Variants in ANKRD26 observed in about 807,000 individuals in gnomAD.
The protein encoded by ANKRD26 is ankyrin repeat domain-containing protein 26.
In ANKRD26, 141 loss-of-function variants were observed where a neutral mutation model predicts 208.7. The observed-to-expected ratio is 0.68, with a 90% CI of 0.59 to 0.78. ANKRD26 has a LOEUF of 0.78. Ranked by LOEUF, ANKRD26 falls within the 30% of genes least tolerant of loss-of-function variation. ANKRD26 has a pLI of 0.00. For missense variants in ANKRD26, 1,889 were observed against 1,938.7 expected (o/e 0.97, Z 0.48); for synonymous variants, 636 against 660.4 (o/e 0.96, Z 0.57).
rs1245100361 is a variant in ANKRD26 at position 27,081,029 on chromosome 10, C to T, written c.740+1774G>A. ...AAGTACTTGAGGGGCTCAAAGCCACCGATAAGTTGAGGCAGAAGTAGTTAT... is the reference window on the plus strand; with the variant it reads ...AAGTACTTGAGGGGCTCAAAGCCACTGATAAGTTGAGGCAGAAGTAGTTAT... On this transcript the variant is annotated intron_variant, in intron 6 of 33. Coordinates refer to ENST00000376087, the MANE Select transcript of ANKRD26 (RefSeq NM_014915.3). 10 of 863,284 alleles carry T rather than the reference C, an allele frequency of 1.2e-5. No individual in the cohort carries two copies. In the East Asian group the frequency reaches 3.6e-4, roughly 31 times the overall value. 53.5% of individuals were successfully genotyped at this position (863,284 alleles called of 1,614,324 possible).
rs542605580 is a variant in ANKRD26, at chr10:27,097,201, C to T, written c.242+2884G>A. The stretch of plus-strand genomic sequence containing the variant: ...CACCTCAAAAACAAAAAAGGCCAGG[C>T]GCGGTGGCTCAAGCCTGTAATCTCA... On this transcript the variant is annotated intron_variant, in intron 1 of 33. Transcript: ENST00000376087. 6.8e-4 allele frequency among the ~76,000 whole-genome samples: 101 copies of T among 149,392 alleles called. 1 individual carries two copies. Among genetic ancestry groups the T allele is most frequent in the Middle Eastern group, 3.7e-3 (1 of 270 alleles).
exon 6 of ANKRD26, among the ~76,000 whole-genome samples, chr10:26,974,976 A>G (rs950259320): frequency 1.3e-4 from 20 of 152,114 alleles, no homozygotes; most frequent in Non-Finnish European, 2.4e-4. Context: ...CAATATGTCT[A>G]GACTTGAATT....
At chr10:27,010,847 T>C (rs2134869391) in intron 32 of ANKRD26, among the ~76,000 whole-genome samples, 1 of 152,212 alleles carries the variant, frequency 6.6e-6, no homozygotes, top group African/African-American at 2.4e-5. Context: ...TTGTACCCAG[T>C]AGGAAAATTT....
rs11294303 is a variant in ANKRD26 at position 27,028,585 on chromosome 10, C to CAAAAAAAAAA, written c.3972+257_3972+266dup. 9.5e-4 allele frequency among the ~76,000 whole-genome samples: 72 copies of CAAAAAAAAAA among 76,048 alleles called. 1 individual carries two copies. The highest frequency in any genetic ancestry group is 4.0e-3 in the African/African-American group (69 of 17,134). 49.9% of individuals were successfully genotyped at this position (76,048 alleles called of 152,430 possible). Reference sequence around the variant, plus strand: ...TGGGCGACAGAGTGAGACTCCATCTCAAAAAAAAAAAAAAAAAAAAATTAC... The same window carrying CAAAAAAAAAA: ...TGGGCGACAGAGTGAGACTCCATCTCAAAAAAAAAAAAAAAAAAAAAAAAAAAAAAATTAC... On this transcript the variant is annotated intron_variant, in intron 27 of 33. Coordinates refer to ENST00000376087, the MANE Select transcript of ANKRD26 (RefSeq NM_014915.3).
At chr10:26,989,806 G>A (rs979333174), downstream of ANKRD26, among the ~76,000 whole-genome samples, 5 of 152,128 alleles carry the variant, frequency 3.3e-5, no homozygotes, top group East Asian at 1.9e-4. Flanking sequence ...AGATGAGGAC[G>A]AGGGGAAGAT....
chr10:27,012,745 G>C (rs1165318119), intron 32 of ANKRD26, 137 bp downstream of exon 32: 1 of 750,196 alleles, frequency 1.3e-6, no homozygotes, highest in East Asian at 2.7e-5. Context: ...CCTAGACATA[G>C]AGGTTGCAGT....
In ANKRD26 at chr10:27,062,045, C is replaced by T. The variant is rs1008449376; in HGVS notation, c.1364-803G>A. ...AATGAGTTCTCTCAAGTTTCCTCAT[C>T]GTTAACTCCAAGATGACTTAGCTAA... On this transcript the variant is annotated intron_variant, in intron 12 of 33. Coordinates refer to ENST00000376087, the MANE Select transcript of ANKRD26 (RefSeq NM_014915.3). 57 of 985,146 alleles carry T rather than the reference C, an allele frequency of 5.8e-5. No individual in the cohort carries two copies. In the East Asian group the frequency reaches 5.2e-3, roughly 91 times the overall value. The allele number at this position is 985,146 out of a possible 1,614,324, so 61.0% of individuals were successfully genotyped here.
intron 3 of ANKRD26, among the ~76,000 whole-genome samples, chr10:26,983,763 T>C (rs2052343586): frequency 6.6e-6 from 1 of 152,212 alleles, no homozygotes. Context: ...TCCTTTCCTC[T>C]GAAAAGCTTT....
intron 6 of ANKRD26, among the ~76,000 whole-genome samples, chr10:27,081,807 G>A (rs1055642758): frequency 1.9e-4 from 29 of 151,572 alleles, no homozygotes; most frequent in Admixed American, 1.7e-3. Context: ...GCGCAATCTC[G>A]GCTCACTGCA....
intron 25 of ANKRD26, among the ~76,000 whole-genome samples, chr10:27,031,156 T>G (rs149218328): frequency 4.7e-4 from 72 of 151,644 alleles, no homozygotes; most frequent in Middle Eastern, 3.4e-3. Context: ...ACAGCAGGAG[T>G]CAAGCAGAGA....
Position 27,053,207 on chromosome 10 carries a change from T to A in ANKRD26, c.1635+113A>T, listed in dbSNP as rs2054722505. 4.1e-6 allele frequency: 3 copies of A among 740,166 alleles called. No homozygotes were observed. In the East Asian group the frequency reaches 8.0e-5, roughly 20 times the overall value. 45.8% of individuals were successfully genotyped at this position (740,166 alleles called of 1,614,324 possible). On this transcript the variant is annotated intron_variant, in intron 16 of 33. Coordinates refer to ENST00000376087, the MANE Select transcript of ANKRD26 (RefSeq NM_014915.3). ...GTTTTTAATACTAAATATTAAATGA[T>A]GATCTATTGATTCTAAAAGGCTAGT...
intron 29 of ANKRD26, among the ~76,000 whole-genome samples, chr10:27,020,043 G>A (rs974307763): frequency 1.1e-4 from 17 of 152,196 alleles, no homozygotes; most frequent in Non-Finnish European, 2.1e-4. Flanking sequence ...GTCTGAGATA[G>A]GAAGCCTCTT....
intron 17 of ANKRD26, among the ~76,000 whole-genome samples, chr10:27,047,623 A>T (rs2054494392): frequency 6.6e-6 from 1 of 151,928 alleles, no homozygotes; most frequent in Non-Finnish European, 1.5e-5. Context: ...CTCCATCTCA[A>T]AGAAAGAAAA....
intron 17 of ANKRD26, among the ~76,000 whole-genome samples, chr10:27,048,203 G>A (rs1227742252): frequency 6.6e-6 from 1 of 152,136 alleles, no homozygotes; most frequent in South Asian, 2.1e-4. Context: ...AGATCTCTCT[G>A]TGCAATCCCT....
intron 11 of ANKRD26, among the ~76,000 whole-genome samples, chr10:27,065,505 T>A (rs2055205785): frequency 6.6e-6 from 1 of 152,294 alleles, no homozygotes; most frequent in South Asian, 2.1e-4. Context: ...TCCCTTTCTT[T>A]TCTTGACACT....
intron 9 of ANKRD26, among the ~76,000 whole-genome samples, chr10:27,069,591 G>A (rs949058943): frequency 2.6e-5 from 4 of 152,110 alleles, no homozygotes; most frequent in Non-Finnish European, 5.9e-5. Flanking sequence ...TTACAGGCGT[G>A]AGCCACTGGA....
intron 30 of ANKRD26, among the ~76,000 whole-genome samples, chr10:27,015,452 G>T (rs1448391757): frequency 1.3e-5 from 2 of 152,186 alleles, no homozygotes; most frequent in African/African-American, 4.8e-5. Context: ...CTTTCCCTAG[G>T]TCTCTTCATC....
chr10:27,050,998 C>T (rs893578625), intron 16 of ANKRD26: 5 of 1,149,180 alleles, frequency 4.4e-6, no homozygotes, highest in Non-Finnish European at 5.5e-6. Context: ...AGCAGAAAAT[C>T]AGAATGGATC....
intron 27 of ANKRD26, among the ~76,000 whole-genome samples, chr10:27,028,585 C>CAA (rs11294303): frequency 6.8e-4 from 52 of 76,006 alleles, no homozygotes; most frequent in East Asian, 3.5e-3. Flanking sequence ...GACTCCATCT[C>CAA]AAAAAAAAAA....
Sources: gnomAD v4.1 joint callset for allele counts (sites outside exome capture counted in the v4.1 genomes callset) on GRCh38, gnomAD v4.1.1 for gene constraint, MANE v1.5 for transcripts, NCBI Gene and HGNC (gene_info 2026-07-23, HGNC 2026-07-21) for gene names.